GBF1: variants seen among roughly 807,000 people sequenced by gnomAD.
GBF1 encodes golgi brefeldin A resistant guanine nucleotide exchange factor 1, also known as Golgi-specific brefeldin A-resistance guanine nucleotide exchange factor 1.
In GBF1, 114 loss-of-function variants were observed where a neutral mutation model predicts 210.5. The observed-to-expected ratio is 0.54, with a 90% CI of 0.47 to 0.63. The LOEUF (loss-of-function observed/expected upper bound fraction) is 0.63. GBF1 is among the 30% of genes least tolerant of loss of function. The pLI is 0.00. For missense variants in GBF1, 1,851 were observed against 2,357.7 expected, an observed-to-expected ratio of 0.79 and a Z score of 4.45; for synonymous variants, 850 against 889.2, an observed-to-expected ratio of 0.96 and a Z score of 0.78.
chr10:102,358,024 G>T lies in GBF1; in HGVS notation c.640-15G>T. The T allele has an allele frequency of 6.4e-7, 1 of 1,552,902 alleles. No individual in the cohort carries two copies. The highest frequency in any genetic ancestry group is 8.9e-7 in the Non-Finnish European group (1 of 1,124,210). On this transcript the variant is annotated splice_polypyrimidine_tract_variant and intron_variant, in intron 8 of 39. Transcript: ENST00000369983. Reference sequence around the variant, plus strand: ...TAGTTTGAATACCATTGCTAATGGGGTATGATATTTCCAGCTGAAAATGAG... The same window carrying T: ...TAGTTTGAATACCATTGCTAATGGGTTATGATATTTCCAGCTGAAAATGAG...
intron 4 of GBF1, among the ~76,000 whole-genome samples, chr10:102,347,333 G>A (rs979242140): frequency 3.9e-5 from 6 of 152,132 alleles, no homozygotes; most frequent in Admixed American, 3.3e-4. Context: ...CAGCCTCTCC[G>A]ACACCCTAGT....
At chr10:102,307,444 A>G (rs761536825) in intron 3 of GBF1, among the ~76,000 whole-genome samples, 2 of 137,346 alleles carry the variant, frequency 1.5e-5, no homozygotes, top group East Asian at 2.2e-4. Flanking sequence ...CAACCTTGGC[A>G]AAAAAAAAAA....
In GBF1 at chr10:102,370,004, T is replaced by G. The variant is rs200039446; in HGVS notation, c.3339+20T>G. 12 of 1,613,842 alleles carry G rather than the reference T, an allele frequency of 7.4e-6. No homozygotes were observed. The South Asian group carries it at 1.3e-4, about 18-fold the overall frequency. On this transcript the variant is annotated intron_variant, in intron 26 of 39. Coordinates refer to ENST00000369983, the MANE Select transcript of GBF1 (RefSeq NM_001377137.1). Reference sequence around the variant, plus strand: ...ATAAAGGTAACTGCCCATCCACCCCTGGTGAGAAAGCCTAAACACCTTCCT... The same window carrying G: ...ATAAAGGTAACTGCCCATCCACCCCGGGTGAGAAAGCCTAAACACCTTCCT...
At position 102,365,607 on chromosome 10, in the gene GBF1, A is replaced by G; in HGVS notation, c.2309+8A>G. 3.1e-6 allele frequency: 5 copies of G among 1,612,308 alleles called. No individual in the cohort carries two copies. The highest frequency in any genetic ancestry group is 4.2e-6 in the Non-Finnish European group (5 of 1,178,410). ...GTTGGAGAGCTTTGTGAGGTGAGGA[A>G]GCTGTAAGAAATGTGGGATATAGCC... is the stretch of plus-strand genomic sequence containing the variant. On this transcript the variant is annotated splice_region_variant and intron_variant, in intron 18 of 39. Transcript: ENST00000369983.
chr10:102,302,781 G>A (rs570972898), intron 3 of GBF1, among the ~76,000 whole-genome samples: 1 of 152,128 alleles, frequency 6.6e-6, no homozygotes, highest in South Asian at 2.1e-4. Context: ...TCATATCTCA[G>A]GCATGCTACT....
At chr10:102,295,335 C>T (rs1210601620) in intron 3 of GBF1, among the ~76,000 whole-genome samples, 2 of 152,172 alleles carry the variant, frequency 1.3e-5, no homozygotes, top group African/African-American at 4.8e-5. Context: ...ACATTCAATT[C>T]AGTTTTAACT....
the GBF1 span, chr10:102,231,107 G>T: frequency 6.5e-7 from 1 of 1,537,342 alleles, no homozygotes. Context: ...CACACCTGCG[G>T]GCACGGGAGA....
intron 33 of GBF1, among the ~76,000 whole-genome samples, 155 bp downstream of exon 33, chr10:102,377,295 A>C (rs2060560936): frequency 6.6e-6 from 1 of 151,488 alleles, no homozygotes; most frequent in South Asian, 2.1e-4. Context: ...CCAAAACCTT[A>C]CCTGTAAGTC....
chr10:102,340,500 C>T (rs1483296922), intron 3 of GBF1, among the ~76,000 whole-genome samples: 1 of 151,448 alleles, frequency 6.6e-6, no homozygotes, highest in African/African-American at 2.4e-5. Flanking sequence ...GTCTCGATCT[C>T]CTGACCTTGT....
intron 1 of GBF1, among the ~76,000 whole-genome samples, chr10:102,257,847 G>A (rs191803584): frequency 1.2e-3 from 183 of 151,984 alleles, no homozygotes; most frequent in African/African-American, 4.3e-3. Context: ...CTCCCGCCTC[G>A]TCCTCCCAAA....
chr10:102,370,129 C>T (rs1350129812), intron 26 of GBF1, 45 bp from the exon 27 acceptor site: 1 of 1,536,194 alleles, frequency 6.5e-7, no homozygotes. Context: ...ATTCTGTTCT[C>T]TTCAGCCTTT....
intron 3 of GBF1, among the ~76,000 whole-genome samples, chr10:102,282,297 C>G (rs1357175719): frequency 6.6e-6 from 1 of 152,042 alleles, no homozygotes; most frequent in African/African-American, 2.4e-5. Flanking sequence ...ATTAATATTC[C>G]CCTTTTACAG....
In GBF1 at chr10:102,370,749, A is replaced by C; in HGVS notation, c.3549A>C (p.Leu1183=). Reference sequence around the variant, plus strand: ...TGTGGCAGACTGTTCGAGACCATCTATACCACCTCTGTGTTCAGGCACAAG... The same window carrying C: ...TGTGGCAGACTGTTCGAGACCATCTCTACCACCTCTGTGTTCAGGCACAAG... ...GCVWQTVRDH[L]YHLCVQAQDF... The change falls in exon 29 of 40, where the codon CTA becomes CTC. Residue 1183 remains leucine (L), a synonymous_variant. Coordinates refer to ENST00000369983, the MANE Select transcript of GBF1 (RefSeq NM_001377137.1). 6.2e-7 allele frequency: 1 copy of C among 1,614,044 alleles called. No homozygotes were observed. Among genetic ancestry groups the C allele is most frequent in the Non-Finnish European group, 8.5e-7 (1 of 1,179,922 alleles).
At position 102,382,352 on chromosome 10, in the gene GBF1, G is replaced by C. The variant is rs775108898; in HGVS notation, c.*16G>C. Reference sequence around the variant, plus strand: ...GGTCAACTAAGGCAGGTCACTCAGAGATCAGGACCAGTGCTTCCCACCAGG... The same window carrying C: ...GGTCAACTAAGGCAGGTCACTCAGACATCAGGACCAGTGCTTCCCACCAGG... On this transcript the variant is annotated 3_prime_UTR_variant, in exon 40 of 40. Transcript: ENST00000369983. The C allele has an allele frequency of 1.3e-6, 2 of 1,587,868 alleles. No homozygotes were observed. The highest frequency in any genetic ancestry group is 1.7e-6 in the Non-Finnish European group (2 of 1,165,366).
At chr10:102,269,880 AT>A (rs776817923) in intron 3 of GBF1, among the ~76,000 whole-genome samples, 196 of 141,826 alleles carry the variant, frequency 1.4e-3, no homozygotes, top group Non-Finnish European at 1.3e-3. Context: ...ATTCTCTCCA[AT>A]TTTTTTTTTT....
intron 3 of GBF1, among the ~76,000 whole-genome samples, chr10:102,333,931 G>GA (rs1359711909): frequency 1.3e-5 from 2 of 152,182 alleles, no homozygotes; most frequent in African/African-American, 2.4e-5. Flanking sequence ...GATACAGACA[G>GA]AAAAGCCTAA....
intron 3 of GBF1, among the ~76,000 whole-genome samples, chr10:102,342,301 T>G (rs1279649404): frequency 6.6e-6 from 1 of 151,956 alleles, no homozygotes; most frequent in Non-Finnish European, 1.5e-5. Context: ...CCTCCCAAAG[T>G]GCTAGGATTA....
At chr10:102,346,045 G>C (rs1271801934) in intron 4 of GBF1, among the ~76,000 whole-genome samples, 5 of 152,016 alleles carry the variant, frequency 3.3e-5, no homozygotes, top group African/African-American at 7.3e-5. Context: ...CATAAATAAT[G>C]CTAATATAAG....
chr10:102,380,164 T>A, intron 36 of GBF1, 85 bp from the exon 37 acceptor site: 2 of 873,378 alleles, frequency 2.3e-6, no homozygotes, highest in African/African-American at 1.7e-5. Context: ...TCATGCAAGA[T>A]AGGACAGGCT....
Sources: gnomAD v4.1 joint callset for allele counts (sites outside exome capture counted in the v4.1 genomes callset) on GRCh38, gnomAD v4.1.1 for gene constraint, MANE v1.5 for transcripts, NCBI Gene and HGNC (gene_info 2026-07-23, HGNC 2026-07-21) for gene names.